The following CCDC158 variants were observed in gnomAD, a reference collection of about 807,000 sequenced individuals.
CCDC158 encodes coiled-coil domain-containing protein 158.
A neutral mutation model predicts 138.6 loss-of-function variants in CCDC158; 116 were observed. The ratio of observed to expected loss-of-function variants is 0.84; its 90% confidence interval spans 0.72 to 0.98. The LOEUF (loss-of-function observed/expected upper bound fraction) is 0.98. Ranked by LOEUF, CCDC158 falls within the 50% of genes least tolerant of loss-of-function variation. The pLI is 0.00. For missense variants in CCDC158, 1,265 were observed against 1,306.1 expected, an observed-to-expected ratio of 0.97 and a Z score of 0.48; for synonymous variants, 436 against 442.4, an observed-to-expected ratio of 0.99 and a Z score of 0.18.
chr4:76,339,899 T>A lies in CCDC158; in HGVS notation c.2665-5732A>T, dbSNP rs116581529. Among the ~76,000 whole-genome samples, 458 of 152,312 alleles carry A rather than the reference T, an allele frequency of 3.0e-3. 2 individuals carry two copies. Among genetic ancestry groups the A allele is most frequent in the African/African-American group, 0.011 (437 of 41,572 alleles). ...CTTTTCACACAGCTCTGAGAGGAGA[T>A]ACACCCACAGCATACACGTCTTCTC... is the stretch of plus-strand genomic sequence containing the variant. On this transcript the variant is annotated intron_variant, in intron 18 of 24. Coordinates refer to ENST00000682701, the MANE Select transcript of CCDC158 (RefSeq NM_001394954.1).
chr4:76,379,174 A>T, intron 9 of CCDC158, 116 bp downstream of exon 9: 1 of 499,802 alleles, frequency 2.0e-6, no homozygotes, highest in Non-Finnish European at 3.5e-6. Context: ...CAGCTTATAA[A>T]CTGCTTTTAA....
At chr4:76,369,333 T>G (rs567580475) in intron 11 of CCDC158, 93 bp downstream of exon 11, 1 of 1,228,690 alleles carries the variant, frequency 8.1e-7, no homozygotes, top group Non-Finnish European at 1.1e-6. Flanking sequence ...TAGGTCCATA[T>G]ATGTTAAAAA....
At chr4:76,388,318 G>A (rs964982702) in intron 4 of CCDC158, among the ~76,000 whole-genome samples, 7 of 152,296 alleles carry the variant, frequency 4.6e-5, no homozygotes, top group African/African-American at 1.7e-4. Context: ...CCTGGGCAGG[G>A]CAGCATTTCT....
intron 9 of CCDC158, among the ~76,000 whole-genome samples, chr4:76,373,785 T>A (rs1385663865): frequency 6.6e-6 from 1 of 152,190 alleles, no homozygotes; most frequent in Non-Finnish European, 1.5e-5. Context: ...ATTCCTAAAC[T>A]GACTTTGTAT....
intron 24 of CCDC158, among the ~76,000 whole-genome samples, chr4:76,317,851 A>G (rs1719552261): frequency 1.3e-5 from 2 of 152,204 alleles, no homozygotes; most frequent in South Asian, 4.1e-4. Flanking sequence ...TAACTCCAAA[A>G]GGAACCCTCA....
At chr4:76,396,577 T>C in intron 3 of CCDC158, 91 bp from the exon 4 acceptor site, 1 of 881,328 alleles carries the variant, frequency 1.1e-6, no homozygotes, top group Middle Eastern at 3.5e-4. Flanking sequence ...AATGGCGCGA[T>C]CTTGCTCACT....
intron 15 of CCDC158, among the ~76,000 whole-genome samples, chr4:76,354,711 G>A (rs1305623118): frequency 6.6e-6 from 1 of 151,930 alleles, no homozygotes; most frequent in African/African-American, 2.4e-5. Context: ...CCCACCTACC[G>A]GCGACCTCAG....
chr4:76,392,945 A>T (rs981384787), intron 4 of CCDC158, among the ~76,000 whole-genome samples: 1 of 152,060 alleles, frequency 6.6e-6, no homozygotes, highest in Non-Finnish European at 1.5e-5. Flanking sequence ...AGACCTCAAC[A>T]ATGAAAACTA....
chr4:76,331,456 C>A, intron 20 of CCDC158, 53 bp from the exon 21 acceptor site: 2 of 1,462,716 alleles, frequency 1.4e-6, no homozygotes, highest in Non-Finnish European at 1.9e-6. Context: ...TATTTCCTTA[C>A]CAATATAACA....
chr4:76,384,245 C>T lies in CCDC158; in HGVS notation c.569G>A (p.Arg190Gln), dbSNP rs751110311. 17 of 1,613,920 alleles carry T rather than the reference C, an allele frequency of 1.1e-5. No individual in the cohort carries two copies. The highest frequency in any genetic ancestry group is 1.0e-5 in the Non-Finnish European group (12 of 1,180,008). ...TTCTTCAAAGTCAACTAGGATTGAC[C>T]GGATTTCTTGAAGCACTCCCTCATG... ...LSHEGVLQEI[R>Q]SILVDFEEAS... is the part of the protein sequence containing the mutation. The change falls in exon 6 of 25, where the codon CGG (arginine) becomes CAG (glutamine). Residue 190 changes from arginine (R) to glutamine (Q), a missense_variant. Coordinates refer to ENST00000682701, the MANE Select transcript of CCDC158 (RefSeq NM_001394954.1).
intron 4 of CCDC158, among the ~76,000 whole-genome samples, chr4:76,388,003 A>G (rs894313607): frequency 4.0e-4 from 60 of 151,772 alleles, no homozygotes; most frequent in African/African-American, 1.5e-3. Flanking sequence ...ACAGAACATA[A>G]CTCCATCTCA....
At position 76,334,010 on chromosome 4, in the gene CCDC158, A is replaced by G. The variant is rs1383323393; in HGVS notation, c.2822T>C (p.Val941Ala). ...CCATTCTGTGTGCACACAGCCTTAC[A>G]CAGCCACATACAAGGCTCCCAGAGA... ...RTSLGALYVA[V>A]EDRVRDCITE... The change falls in exon 19 of 25, where the codon GTA becomes GCA. Residue 941 changes from valine to alanine, a missense_variant and splice_region_variant. Val to Ala is a moderately conservative substitution (Grantham distance 64). Coordinates refer to ENST00000682701, the MANE Select transcript of CCDC158 (RefSeq NM_001394954.1). 3 of 1,605,192 alleles carry G rather than the reference A, an allele frequency of 1.9e-6. No individual in the cohort carries two copies. Among genetic ancestry groups the G allele is most frequent in the Non-Finnish European group, 2.6e-6 (3 of 1,174,800 alleles).
rs772474401 is a variant in CCDC158, at chr4:76,379,285, C to T, written c.1029+5G>A. ...TAGAAACAGACCAGCAAAACCTAAA[C>T]TCACCTTGTCTTCATACATCCTTTT... On this transcript the variant is annotated splice_donor_5th_base_variant and intron_variant, in intron 9 of 24. Coordinates refer to ENST00000682701, the MANE Select transcript of CCDC158 (RefSeq NM_001394954.1). 3.8e-6 allele frequency: 6 copies of T among 1,574,482 alleles called. No individual in the cohort carries two copies. The highest frequency in any genetic ancestry group is 1.2e-5 in the South Asian group (1 of 85,488).
In CCDC158 at chr4:76,371,482, G is replaced by A. The variant is rs767021802; in HGVS notation, c.1084C>T (p.Arg362Trp). ...TGACTGAATTGATCACGCTCTGTCC[G>A]GGCTTCAGTTAGCTCTGAGTTGGCA... The part of the protein sequence containing the change: ...VLANSELTEA[R>W]TERDQFSQES... The change falls in exon 10 of 25, where the codon CGG (arginine) becomes TGG (tryptophan). Residue 362 changes from arginine to tryptophan, a missense_variant. Transcript: ENST00000682701. 2.8e-5 allele frequency: 45 copies of A among 1,613,884 alleles called. No homozygotes were observed. The highest frequency in any genetic ancestry group is 3.4e-5 in the Non-Finnish European group (40 of 1,179,936).
chr4:76,391,829 G>A (rs1284318280), intron 4 of CCDC158, among the ~76,000 whole-genome samples: 4 of 151,728 alleles, frequency 2.6e-5, no homozygotes, highest in African/African-American at 9.7e-5. Context: ...ACAAAAAAAG[G>A]ATACATTACA....
At chr4:76,388,784 C>T (rs76135224) in intron 4 of CCDC158, among the ~76,000 whole-genome samples, 3,907 of 152,108 alleles carry the variant, frequency 0.026, 162 homozygotes, top group African/African-American at 0.089. Flanking sequence ...CCCAGTTCCA[C>T]GTGGCTCAGC....
At chr4:76,330,029 AAAG>A (rs1377609910) in intron 21 of CCDC158, among the ~76,000 whole-genome samples, 1 of 152,244 alleles carries the variant, frequency 6.6e-6, no homozygotes, top group African/African-American at 2.4e-5. Context: ...ATTTCAGAAT[AAAG>A]AAGTATTACA....
At chr4:76,417,685 G>A (rs1047513087) in intron 1 of CCDC158, among the ~76,000 whole-genome samples, 5 of 152,100 alleles carry the variant, frequency 3.3e-5, no homozygotes, top group African/African-American at 1.2e-4. Flanking sequence ...TCCCACTCTC[G>A]GGTATGTCTT....
At chr4:76,371,096 T>G (rs1233160271) in intron 10 of CCDC158, among the ~76,000 whole-genome samples, 2 of 152,232 alleles carry the variant, frequency 1.3e-5, no homozygotes, top group Non-Finnish European at 2.9e-5. Flanking sequence ...AATTTTTATG[T>G]GTTTTGAATG....
Sources: gnomAD v4.1 joint callset for allele counts (sites outside exome capture counted in the v4.1 genomes callset) on GRCh38, gnomAD v4.1.1 for gene constraint, MANE v1.5 for transcripts, NCBI Gene and HGNC (gene_info 2026-07-23, HGNC 2026-07-21) for gene names.